The following DIP2C variants were observed in gnomAD, a reference collection of about 807,000 sequenced individuals.
The protein encoded by DIP2C is disco-interacting protein 2 homolog C.
DIP2C carries 33 observed loss-of-function variants against 192.4 expected under a neutral mutation model. That is an observed-to-expected ratio of 0.17 (90% CI 0.13 to 0.23). The LOEUF is 0.23. DIP2C is among the 10% of genes least tolerant of loss of function. The pLI, the probability that DIP2C is intolerant of heterozygous loss-of-function variation, is 1.00. For missense variants in DIP2C, 1,537 were observed against 2,110.1 expected (o/e 0.73, Z 5.32); for synonymous variants, 979 against 864.1 (o/e 1.13, Z -2.33).
intron 1 of DIP2C, among the ~76,000 whole-genome samples, chr10:498,086 G>A (rs924469741): frequency 6.6e-6 from 1 of 152,172 alleles, no homozygotes; most frequent in Non-Finnish European, 1.5e-5. Flanking sequence ...GCCCAGGCTG[G>A]CCTCAAACTC....
At chr10:441,505 G>A (rs1486527595) in intron 3 of DIP2C, among the ~76,000 whole-genome samples, 2 of 152,196 alleles carry the variant, frequency 1.3e-5, no homozygotes, top group Non-Finnish European at 1.5e-5. Context: ...TGTTGTGGGA[G>A]GGACCCAGGA....
intron 1 of DIP2C, among the ~76,000 whole-genome samples, chr10:491,666 C>T (rs1247656454): frequency 1.3e-5 from 2 of 152,194 alleles, no homozygotes; most frequent in African/African-American, 4.8e-5. Flanking sequence ...GGAGATAGCA[C>T]CTATCTACTT....
At chr10:614,347 AGCCCCC>A (rs1853300109) in intron 1 of DIP2C, among the ~76,000 whole-genome samples, 2 of 152,222 alleles carry the variant, frequency 1.3e-5, no homozygotes, top group African/African-American at 4.8e-5. Flanking sequence ...GAGTCACCCC[AGCCCCC>A]GCCAGGCCTG....
At chr10:535,113 G>C (rs929963851) in intron 1 of DIP2C, among the ~76,000 whole-genome samples, 2 of 152,262 alleles carry the variant, frequency 1.3e-5, no homozygotes, top group East Asian at 3.9e-4. Context: ...TTCAGCACCC[G>C]GGTTTGCAGG....
At chr10:479,352 T>TTTA (rs1299533403) in intron 2 of DIP2C, among the ~76,000 whole-genome samples, 1 of 140,196 alleles carries the variant, frequency 7.1e-6, no homozygotes, top group East Asian at 2.0e-4. Context: ...TTTTTTTTTT[T>TTTA]AAGATGGAGT....
At chr10:589,396 C>G (rs1378286261) in intron 1 of DIP2C, among the ~76,000 whole-genome samples, 1 of 152,200 alleles carries the variant, frequency 6.6e-6, no homozygotes, top group African/African-American at 2.4e-5. Flanking sequence ...GCTAAGAGCT[C>G]TAACCCTAGG....
At chr10:505,682 G>A (rs1018822864) in intron 1 of DIP2C, among the ~76,000 whole-genome samples, 2 of 150,356 alleles carry the variant, frequency 1.3e-5, no homozygotes, top group African/African-American at 2.5e-5. Context: ...TGCTTCCTGT[G>A]GGTGCCCCTG....
intron 32 of DIP2C, among the ~76,000 whole-genome samples, chr10:294,417 G>A (rs928232198): frequency 1.5e-4 from 23 of 152,012 alleles, no homozygotes; most frequent in African/African-American, 5.6e-4. Context: ...GACCAGCCTA[G>A]GCAATGTGGC....
chr10:310,207 T>A, intron 31 of DIP2C, 115 bp from the exon 32 acceptor site: 1 of 1,003,938 alleles, frequency 1.0e-6, no homozygotes, highest in Non-Finnish European at 1.5e-6. Flanking sequence ...AAAATAAAAC[T>A]AAAAACACTT....
chr10:539,047 G>A (rs992616296), intron 1 of DIP2C, among the ~76,000 whole-genome samples: 1 of 151,122 alleles, frequency 6.6e-6, no homozygotes, highest in Admixed American at 6.6e-5. Context: ...TGTTCTACGA[G>A]CTCAGTTGTC....
intron 7 of DIP2C, among the ~76,000 whole-genome samples, chr10:415,051 C>T (rs1176464947): frequency 6.6e-6 from 1 of 151,570 alleles, no homozygotes; most frequent in East Asian, 1.9e-4. Context: ...CTGAGCTGTA[C>T]ATTTAAATCT....
chr10:555,539 G>A (rs566704964), intron 1 of DIP2C, among the ~76,000 whole-genome samples: 3 of 152,292 alleles, frequency 2.0e-5, no homozygotes, highest in African/African-American at 7.2e-5. Context: ...CCCACCCTGG[G>A]GGAGGCATGA....
rs759603687 is a variant in DIP2C at position 348,693 on chromosome 10, G to A, written c.3179C>T (p.Pro1060Leu). 5.0e-6 allele frequency: 8 copies of A among 1,613,794 alleles called. No homozygotes were observed. The highest frequency in any genetic ancestry group is 1.7e-5 in the Admixed American group (1 of 59,956). Residue 1060 changes from proline to leucine, a missense_variant, in exon 26 of 37, where the codon CCG becomes CTG. By Grantham distance (98) the Pro-to-Leu change is moderately conservative (BLOSUM62 -3). This residue lies in a region of DIP2C where 677 missense variants were observed against 989.9 expected (regional missense o/e 0.68). Transcript: ENST00000280886. ...CGTCGTCGCGATGTTCTGTGGGTGC[G>A]GGGGACGGACGGTTATTGGCACACA... ...AGCVPITVRP[P>L]HPQNIATTLP...
chr10:455,332 GAGGAATAAATGAGATGAAAACACT>G, intron 3 of DIP2C, among the ~76,000 whole-genome samples: 15 of 141,556 alleles, frequency 1.1e-4, no homozygotes, highest in Admixed American at 2.1e-4. Context: ...GGGAGACCGT[GAGGAATAAATGAGATGAAAACACT>G]GCAGTGAGTC....
At chr10:340,597 A>T (rs1041039005) in intron 29 of DIP2C, 6 of 357,550 alleles carry the variant, frequency 1.7e-5, no homozygotes, top group African/African-American at 1.1e-4. Flanking sequence ...CATATTTTCT[A>T]TAATTTCTAC....
At chr10:519,980 C>G (rs1018485765) in intron 1 of DIP2C, among the ~76,000 whole-genome samples, 1 of 152,206 alleles carries the variant, frequency 6.6e-6, no homozygotes, top group African/African-American at 2.4e-5. Context: ...CACACCATGG[C>G]GGGCAGGAAG....
chr10:477,935 GAAGGAAGGA>G (rs1564762998), intron 2 of DIP2C, among the ~76,000 whole-genome samples: 1 of 100,444 alleles, frequency 1.0e-5, no homozygotes, highest in African/African-American at 4.4e-5. Context: ...GAGAGGGAAA[GAAGGAAGGA>G]AAAGAAGGAA....
chr10:630,184 T>C lies in DIP2C; in HGVS notation c.85+59310A>G, dbSNP rs575469016. On this transcript the variant is annotated intron_variant, in intron 1 of 36. Transcript: ENST00000280886. ...CGAGACTCACGGAACGACGCCACCA[T>C]TGCAGTTCCCAGCTTGACTAGTTGT... 5 of 152,364 alleles carry C rather than the reference T, an allele frequency of 3.3e-5. 1 individual carries two copies. Among genetic ancestry groups the C allele is most frequent in the African/African-American group, 9.6e-5 (4 of 41,584 alleles). 9.4% of individuals were successfully genotyped at this position (152,364 alleles called of 1,614,324 possible).
chr10:376,256 ACAGAGCCGGCAGGGAGAAGGACCCAGG>A (rs1370176781), intron 17 of DIP2C, among the ~76,000 whole-genome samples: 49 of 147,452 alleles, frequency 3.3e-4, no homozygotes, highest in African/African-American at 1.1e-3. Context: ...TCGGCCCCCG[ACAGAGCCGGCAGGGAGAAGGACCCAGG>A]CCCACCTCGG....
Sources: allele counts gnomAD v4.1 joint callset (sites outside exome capture counted in the v4.1 genomes callset), GRCh38; gene constraint gnomAD v4.1.1; regional missense constraint gnomAD v4.1.1; transcripts MANE v1.5; gene names NCBI Gene and HGNC (gene_info 2026-07-23, HGNC 2026-07-21).